Variants in FIG4 observed in about 807,000 individuals in gnomAD.
FIG4 encodes the protein polyphosphoinositide phosphatase.
A neutral mutation model predicts 118.6 loss-of-function variants in FIG4; 112 were observed. That is an observed-to-expected ratio of 0.94 (90% confidence interval 0.81 to 1.11). FIG4 has a LOEUF of 1.11. Among genes scored for constraint, FIG4 ranks in the 50% least tolerant of loss-of-function variants. FIG4 has a pLI of 0.00. For synonymous variants in FIG4, 369 were observed against 381.2 expected, an observed-to-expected ratio of 0.97 and a Z score of 0.37; for missense variants, 969 against 1,111.7, an observed-to-expected ratio of 0.87 and a Z score of 1.83.
chr6:109,823,730 A>G (rs1232070091), intron 22 of FIG4, among the ~76,000 whole-genome samples: 1 of 152,166 alleles, frequency 6.6e-6, no homozygotes, highest in Non-Finnish European at 1.5e-5. Flanking sequence ...TTTGGCATCC[A>G]GGGTGCATTT....
chr6:109,727,951 G>T (rs1177511650), intron 4 of FIG4, among the ~76,000 whole-genome samples: 1 of 152,178 alleles, frequency 6.6e-6, no homozygotes, highest in Admixed American at 6.5e-5. Flanking sequence ...ACTAAATGCA[G>T]ATTTTGGTCG....
At chr6:109,761,158 G>A (rs917529877) in intron 11 of FIG4, among the ~76,000 whole-genome samples, 7 of 152,084 alleles carry the variant, frequency 4.6e-5, no homozygotes, top group Non-Finnish European at 1.0e-4. Flanking sequence ...CAGAGTATAA[G>A]TTTGTTTACA....
chr6:109,823,606 G>A (rs758541523), intron 22 of FIG4, among the ~76,000 whole-genome samples: 3 of 152,196 alleles, frequency 2.0e-5, no homozygotes, highest in African/African-American at 2.4e-5. Flanking sequence ...GTATGTCACC[G>A]TACTATCTAG....
chr6:109,778,164 C>T (rs1453628900), intron 16 of FIG4, among the ~76,000 whole-genome samples: 3 of 151,964 alleles, frequency 2.0e-5, no homozygotes, highest in Non-Finnish European at 4.4e-5. Context: ...TAATTTTGCG[C>T]AAAGATACCT....
At chr6:109,786,198 C>G in intron 17 of FIG4, 104 bp from the exon 18 acceptor site, 1 of 1,009,740 alleles carries the variant, frequency 9.9e-7, no homozygotes, top group East Asian at 2.4e-5. Flanking sequence ...CTGTATCCCC[C>G]ACAGAGCTTA....
intron 3 of FIG4, among the ~76,000 whole-genome samples, chr6:109,724,072 A>G (rs1377536175): frequency 6.6e-6 from 1 of 152,078 alleles, no homozygotes; most frequent in Non-Finnish European, 1.5e-5. Flanking sequence ...GTTCCTCAGA[A>G]CGTATATCCA....
At chr6:109,759,501 A>G (rs988210202) in intron 10 of FIG4, among the ~76,000 whole-genome samples, 4 of 152,170 alleles carry the variant, frequency 2.6e-5, no homozygotes, top group African/African-American at 9.7e-5. Context: ...TTTTTACCCT[A>G]TTTTATAGAT....
Position 109,818,626 on chromosome 6 carries a change from G to T in FIG4, c.2547-6462G>T, listed in dbSNP as rs147362597. Reference sequence around the variant, plus strand: ...TAGGTATGTATGTACAGGAAAACAGGATATATGAGGGTTGGTGCTATCTGC... The same window carrying T: ...TAGGTATGTATGTACAGGAAAACAGTATATATGAGGGTTGGTGCTATCTGC... On this transcript the variant is annotated intron_variant, in intron 22 of 22. Coordinates refer to ENST00000230124, the MANE Select transcript of FIG4 (RefSeq NM_014845.6). Among the ~76,000 whole-genome samples, 201 of 152,236 alleles carry T rather than the reference G, an allele frequency of 1.3e-3. 1 individual carries two copies. The Middle Eastern group carries it at 0.02, about 15-fold the overall frequency.
At chr6:109,751,663 ATT>A (rs1776701105) in intron 10 of FIG4, among the ~76,000 whole-genome samples, 1 of 151,942 alleles carries the variant, frequency 6.6e-6, no homozygotes, top group African/African-American at 2.4e-5. Context: ...GTGTGCAGGA[ATT>A]TATCTATTTC....
chr6:109,716,717 T>G, intron 3 of FIG4, 149 bp downstream of exon 3: 1 of 938,336 alleles, frequency 1.1e-6, no homozygotes, highest in Non-Finnish European at 1.7e-6. Context: ...TATCCATCAA[T>G]CAGATAGCAA....
At chr6:109,803,935 C>T (rs936854550) in intron 22 of FIG4, among the ~76,000 whole-genome samples, 27 of 151,962 alleles carry the variant, frequency 1.8e-4, no homozygotes, top group African/African-American at 6.0e-4. Context: ...AGCAAACTAT[C>T]GCAAGTTAAA....
At chr6:109,753,990 G>A (rs1011164105) in intron 10 of FIG4, among the ~76,000 whole-genome samples, 4 of 152,228 alleles carry the variant, frequency 2.6e-5, no homozygotes, top group Non-Finnish European at 5.9e-5. Flanking sequence ...AATAGGAGTG[G>A]TGAGAGAGGG....
Position 109,792,604 on chromosome 6 carries a change from A to AGGTTATATGGTTATATGGAAGGAAGGAG in FIG4, c.2400_2401insGTTATATGGTTATATGGAAGGAAGGAGG (p.Leu801ValfsTer14). ...CAGAATGTGGTCCAACCCATGAAGG[A>AGGTTATATGGTTATATGGAAGGAAGGAG]GCTATATGGAATTAACCTCTCAGAT... On this transcript the variant is annotated frameshift_variant, in exon 21 of 23. Transcript: ENST00000230124. LOFTEE classifies it high-confidence loss of function. 1.2e-6 allele frequency: 2 copies of AGGTTATATGGTTATATGGAAGGAAGGAG among 1,601,944 alleles called. No homozygotes were observed. Among genetic ancestry groups the AGGTTATATGGTTATATGGAAGGAAGGAG allele is most frequent in the Non-Finnish European group, 1.7e-6 (2 of 1,169,628 alleles).
chr6:109,719,068 G>A (rs190358752), intron 3 of FIG4, among the ~76,000 whole-genome samples: 448 of 151,978 alleles, frequency 2.9e-3, no homozygotes, highest in African/African-American at 9.9e-3. Context: ...ACCAGTGTGC[G>A]CCACCATGCC....
chr6:109,749,783 G>A (rs77342430), intron 10 of FIG4, among the ~76,000 whole-genome samples: 3,863 of 152,100 alleles, frequency 0.025, 85 homozygotes, highest in East Asian at 0.091. Context: ...TATCTCACAT[G>A]TACATTTATT....
In FIG4 at chr6:109,788,171, T is replaced by C. The variant is rs183386896; in HGVS notation, c.2097-1423T>C. Among the ~76,000 whole-genome samples, 11 of 152,340 alleles carry C rather than the reference T, an allele frequency of 7.2e-5. No individual in the cohort carries two copies. In the East Asian group the frequency reaches 1.2e-3, roughly 16 times the overall value. On this transcript the variant is annotated intron_variant, in intron 18 of 22. Transcript: ENST00000230124. The stretch of plus-strand genomic sequence containing the variant: ...TGTACTAAATACATATTCAAGTTAC[T>C]ATGGGTTTGTCAGGATGTAACCCCC...
chr6:109,764,528 GA>G (rs1464835252), intron 13 of FIG4, among the ~76,000 whole-genome samples: 1 of 151,852 alleles, frequency 6.6e-6, no homozygotes, highest in Non-Finnish European at 1.5e-5. Flanking sequence ...ACTGGAAATA[GA>G]AACACAAACA....
chr6:109,780,483 A>T (rs553562680), intron 16 of FIG4, among the ~76,000 whole-genome samples: 40 of 152,290 alleles, frequency 2.6e-4, no homozygotes, highest in African/African-American at 9.1e-4. Context: ...AATTGCCGGG[A>T]TTACAGGTGT....
At chr6:109,703,411 G>A (rs1045604580) in intron 1 of FIG4, among the ~76,000 whole-genome samples, 9 of 152,062 alleles carry the variant, frequency 5.9e-5, no homozygotes, top group Non-Finnish European at 1.2e-4. Context: ...CCTTTTGGAG[G>A]TTCTATTGTG....
Sources: gnomAD v4.1 joint callset for allele counts (sites outside exome capture counted in the v4.1 genomes callset) on GRCh38, gnomAD v4.1.1 for gene constraint, MANE v1.5 for transcripts, NCBI Gene and HGNC (gene_info 2026-07-23, HGNC 2026-07-21) for gene names.